FSTL5: variants seen among roughly 807,000 people sequenced by gnomAD.
FSTL5 encodes the protein follistatin-related protein 5.
In FSTL5, 62 loss-of-function variants were observed where a neutral mutation model predicts 89.1. The ratio of observed to expected loss-of-function variants is 0.70; its 90% CI spans 0.57 to 0.86. The LOEUF is 0.86. Among genes scored for constraint, FSTL5 ranks in the 40% least tolerant of loss-of-function variants. The pLI is 0.00. For missense variants in FSTL5, 1,057 were observed against 1,001.6 expected, an observed-to-expected ratio of 1.06 and a Z score of -0.75; for synonymous variants, 383 against 346.2, an observed-to-expected ratio of 1.11 and a Z score of -1.18.
At chr4:161,983,447 C>T (rs1291311146) in intron 3 of FSTL5, among the ~76,000 whole-genome samples, 2 of 152,110 alleles carry the variant, frequency 1.3e-5, no homozygotes, top group Non-Finnish European at 1.5e-5. Flanking sequence ...AGCAGAAATA[C>T]GGACTGCTGG....
At chr4:161,397,169 A>AG (rs1731033756) in intron 15 of FSTL5, among the ~76,000 whole-genome samples, 1 of 152,150 alleles carries the variant, frequency 6.6e-6, no homozygotes, top group South Asian at 2.1e-4. Flanking sequence ...TCAAAAACAC[A>AG]AAGAAAACTA....
intron 3 of FSTL5, among the ~76,000 whole-genome samples, chr4:161,921,841 C>T (rs1734003394): frequency 6.6e-6 from 1 of 151,946 alleles, no homozygotes. Flanking sequence ...AATAGTGTAT[C>T]CTCATAGTTT....
intron 7 of FSTL5, among the ~76,000 whole-genome samples, chr4:161,652,775 C>T (rs943441475): frequency 1.3e-5 from 2 of 151,920 alleles, no homozygotes; most frequent in Non-Finnish European, 2.9e-5. Context: ...TATGTGTTAT[C>T]TAGGTGACTA....
At chr4:161,413,202 A>T (rs551509928) in intron 15 of FSTL5, among the ~76,000 whole-genome samples, 1 of 148,090 alleles carries the variant, frequency 6.8e-6, no homozygotes, top group African/African-American at 2.5e-5. Flanking sequence ...GGGAACTTAA[A>T]TCAATAGGAA....
intron 3 of FSTL5, among the ~76,000 whole-genome samples, chr4:161,973,967 G>C (rs1031635531): frequency 3.6e-4 from 54 of 152,002 alleles, no homozygotes; most frequent in African/African-American, 9.4e-4. Flanking sequence ...ACCAACAACA[G>C]ACAAACAGAG....
At chr4:162,110,452 G>A (rs1253850566) in intron 2 of FSTL5, among the ~76,000 whole-genome samples, 1 of 150,742 alleles carries the variant, frequency 6.6e-6, no homozygotes, top group Non-Finnish European at 1.5e-5. Context: ...TTAATTCCAA[G>A]GGGAAAAAAA....
chr4:161,765,320 T>G (rs895109797), intron 5 of FSTL5, among the ~76,000 whole-genome samples: 3 of 152,218 alleles, frequency 2.0e-5, no homozygotes, highest in African/African-American at 7.2e-5. Flanking sequence ...CACTCTTCTA[T>G]CCATACAAGT....
intron 3 of FSTL5, among the ~76,000 whole-genome samples, chr4:161,977,612 CAAAAAAAAAAAAAAAAA>C (rs796909244): frequency 1.1e-5 from 1 of 95,138 alleles, no homozygotes; most frequent in East Asian, 3.0e-4. Flanking sequence ...GACTCCGTGT[CAAAAAAAAAAAAAAAAA>C]AAAAAAAAAA....
chr4:161,668,367 T>A (rs1313466546), intron 6 of FSTL5, among the ~76,000 whole-genome samples: 3 of 152,142 alleles, frequency 2.0e-5, no homozygotes, highest in African/African-American at 7.2e-5. Context: ...AGAAATCACA[T>A]TACTTATTAA....
chr4:161,728,755 C>G (rs1231089525), intron 6 of FSTL5, among the ~76,000 whole-genome samples: 1 of 152,046 alleles, frequency 6.6e-6, no homozygotes, highest in Non-Finnish European at 1.5e-5. Flanking sequence ...CTTGGAGAAC[C>G]TCTCTGTGAC....
At chr4:161,764,383 C>T (rs946991550) in intron 5 of FSTL5, among the ~76,000 whole-genome samples, 34 of 151,958 alleles carry the variant, frequency 2.2e-4, no homozygotes, top group African/African-American at 7.3e-4. Context: ...CTCAGCCACC[C>T]GAGTAGCTGG....
intron 3 of FSTL5, among the ~76,000 whole-genome samples, chr4:162,003,297 T>A (rs1333255576): frequency 6.6e-6 from 1 of 152,200 alleles, no homozygotes; most frequent in Non-Finnish European, 1.5e-5. Flanking sequence ...GCTTTACTCA[T>A]TCCATTACCC....
chr4:161,528,558 A>G (rs949854051), intron 10 of FSTL5, among the ~76,000 whole-genome samples: 2 of 142,984 alleles, frequency 1.4e-5, no homozygotes, highest in African/African-American at 5.0e-5. Flanking sequence ...AATATATGGC[A>G]TAAATTAGAC....
chr4:162,112,192 G>A (rs1731470503), intron 1 of FSTL5, among the ~76,000 whole-genome samples: 1 of 152,112 alleles, frequency 6.6e-6, no homozygotes, highest in Admixed American at 6.6e-5. Context: ...GTGACAGAGA[G>A]CAGCTTTTTC....
At chr4:161,785,497 T>G (rs1294475637) in intron 4 of FSTL5, among the ~76,000 whole-genome samples, 1 of 152,214 alleles carries the variant, frequency 6.6e-6, no homozygotes, top group East Asian at 1.9e-4. Flanking sequence ...AATCTCATGG[T>G]TTTGTATTCA....
chr4:161,417,685 C>A (rs1212840201), intron 15 of FSTL5, among the ~76,000 whole-genome samples: 1 of 152,018 alleles, frequency 6.6e-6, no homozygotes, highest in African/African-American at 2.4e-5. Context: ...CTGTAAGATA[C>A]GAATATAAAT....
chr4:162,107,708 A>G (rs1731277381), intron 2 of FSTL5, among the ~76,000 whole-genome samples: 1 of 152,148 alleles, frequency 6.6e-6, no homozygotes, highest in African/African-American at 2.4e-5. Flanking sequence ...AAACTGAAAG[A>G]ACATAAGATA....
At chr4:161,510,457 A>G in intron 10 of FSTL5, 33 bp from the exon 11 acceptor site, 1 of 1,334,710 alleles carries the variant, frequency 7.5e-7, no homozygotes, top group Non-Finnish European at 1.0e-6. Context: ...GAAGAAAAAG[A>G]AAAATGAGTA....
At chr4:161,568,976 G>T (rs182760280) in intron 8 of FSTL5, among the ~76,000 whole-genome samples, 4 of 152,158 alleles carry the variant, frequency 2.6e-5, no homozygotes, top group African/African-American at 9.6e-5. Context: ...TTCAAAGGTA[G>T]CAAGTACCCC....
Sources: gnomAD v4.1 joint callset for allele counts (sites outside exome capture counted in the v4.1 genomes callset) on GRCh38, gnomAD v4.1.1 for gene constraint, MANE v1.5 for transcripts, NCBI Gene and HGNC (gene_info 2026-07-23, HGNC 2026-07-21) for gene names.